WDR89: variants seen among roughly 807,000 people sequenced by gnomAD.
WDR89 encodes the protein WD repeat-containing protein 89.
WDR89 carries 17 observed loss-of-function variants against 29.1 expected under a neutral mutation model. The observed-to-expected ratio is 0.58, with a 90% CI of 0.40 to 0.88. The LOEUF is 0.88. Ranked by LOEUF, WDR89 falls within the 40% of genes least tolerant of loss-of-function variation. WDR89 has a pLI of 0.00. For synonymous variants in WDR89, 138 were observed against 157.8 expected (o/e 0.87, Z 0.94); for missense variants, 396 against 456.3 (o/e 0.87, Z 1.20).
At chr14:63,608,717 A>C (rs1242471963) in intron 2 of WDR89, among the ~76,000 whole-genome samples, 1 of 151,774 alleles carries the variant, frequency 6.6e-6, no homozygotes, top group Non-Finnish European at 1.5e-5. Context: ...TAAGAAGCAA[A>C]ACCCCTAGTG....
At chr14:63,601,621 G>A in intron 2 of WDR89, 2 of 1,613,292 alleles carry the variant, frequency 1.2e-6, no homozygotes, top group South Asian at 2.2e-5. Flanking sequence ...AAATCTCAAG[G>A]AAAAGTATTG....
At chr14:63,624,306 A>G (rs1203533817) in intron 2 of WDR89, among the ~76,000 whole-genome samples, 1 of 151,946 alleles carries the variant, frequency 6.6e-6, no homozygotes, top group Non-Finnish European at 1.5e-5. Context: ...ATCTCCATCA[A>G]AAATACAAAA....
At chr14:63,601,634 A>T in intron 2 of WDR89, 3 of 1,613,422 alleles carry the variant, frequency 1.9e-6, no homozygotes, top group Non-Finnish European at 2.5e-6. Context: ...AAGTATTGCA[A>T]GCAACAGTAG....
intron 1 of WDR89, among the ~76,000 whole-genome samples, chr14:63,634,537 G>A (rs1326288044): frequency 1.3e-4 from 19 of 148,970 alleles, no homozygotes; most frequent in Admixed American, 4.0e-4. Context: ...AAAAAAAAGA[G>A]AAGTGAAGGG....
chr14:63,616,677 T>C (rs1882326198), intron 2 of WDR89, among the ~76,000 whole-genome samples: 1 of 151,992 alleles, frequency 6.6e-6, no homozygotes. Flanking sequence ...GTGTAGAAAA[T>C]GAGGCTAAAG....
chr14:63,615,032 A>G (rs1206801065), intron 2 of WDR89, among the ~76,000 whole-genome samples: 1 of 152,226 alleles, frequency 6.6e-6, no homozygotes, highest in Non-Finnish European at 1.5e-5. Context: ...GGAATCTGTT[A>G]CTAAGGAAAA....
In WDR89 at chr14:63,599,324, C is replaced by T; in HGVS notation, c.619G>A (p.Asp207Asn). ...GAGTTACAGGTTGTAACCAGTGCATCCTCCTCATTATCAATATTAATATCA... is the reference window on the plus strand; with the variant it reads ...GAGTTACAGGTTGTAACCAGTGCATTCTCCTCATTATCAATATTAATATCA... ...VFDINIDNEE[D>N]ALVTTCNSIS... is the part of the protein sequence containing the mutation. The change falls in exon 3 of 3, where the codon GAT becomes AAT. Residue 207 changes from aspartate to asparagine, a missense_variant. Asp to Asn is a conservative substitution (Grantham distance 23, BLOSUM62 1). Transcript: ENST00000620954. The T allele has an allele frequency of 1.2e-6, 2 of 1,614,096 alleles. No individual in the cohort carries two copies. Among genetic ancestry groups the T allele is most frequent in the East Asian group, 2.2e-5 (1 of 44,886 alleles).
chr14:63,608,970 G>A lies in WDR89; in HGVS notation c.-31-8997C>T, dbSNP rs578099090. Among the ~76,000 whole-genome samples, 110 of 152,214 alleles carry A rather than the reference G, an allele frequency of 7.2e-4. 4 individuals are homozygous for A. In the South Asian group the frequency reaches 0.022, roughly 30 times the overall value. On this transcript the variant is annotated intron_variant, in intron 2 of 2. Transcript: ENST00000620954. Reference sequence around the variant, plus strand: ...CAAAAAATTGGCTGGGTGTGGTGGTGCACTTGTAGTCCCAGCTACTCAGGA... The same window carrying A: ...CAAAAAATTGGCTGGGTGTGGTGGTACACTTGTAGTCCCAGCTACTCAGGA...
At chr14:63,629,822 AGT>A (rs771098165) in intron 1 of WDR89, among the ~76,000 whole-genome samples, 10 of 152,190 alleles carry the variant, frequency 6.6e-5, no homozygotes, top group Non-Finnish European at 1.3e-4. Flanking sequence ...TAGAACATTC[AGT>A]GTGTTACAGG....
intron 2 of WDR89, among the ~76,000 whole-genome samples, chr14:63,612,330 T>G (rs1882038207): frequency 7.7e-6 from 1 of 129,382 alleles, no homozygotes; most frequent in African/African-American, 3.1e-5. Flanking sequence ...AAATTTCAAG[T>G]TTTTTTTTTT....
At chr14:63,608,666 G>GCACACACA (rs57605983) in intron 2 of WDR89, among the ~76,000 whole-genome samples, 9,511 of 144,664 alleles carry the variant, frequency 0.066, 353 homozygotes, top group South Asian at 0.11. Context: ...TGTGGTGCAT[G>GCACACACA]CACACACACA....
chr14:63,602,741 C>T (rs1895134345), intron 2 of WDR89, among the ~76,000 whole-genome samples: 1 of 148,488 alleles, frequency 6.7e-6, no homozygotes, highest in African/African-American at 2.5e-5. Context: ...CGTTGCACTC[C>T]ATCCTGGGCA....
At chr14:63,602,222 C>A (rs1418222710) in intron 2 of WDR89, among the ~76,000 whole-genome samples, 1 of 152,130 alleles carries the variant, frequency 6.6e-6, no homozygotes, top group Non-Finnish European at 1.5e-5. Flanking sequence ...TGCCTGTAAT[C>A]CCAACACTTC....
chr14:63,638,044 C>A (rs546745849), intron 1 of WDR89, among the ~76,000 whole-genome samples: 1 of 152,098 alleles, frequency 6.6e-6, no homozygotes, highest in Non-Finnish European at 1.5e-5. Context: ...CTCCCAGGTT[C>A]AAGTGATCCT....
chr14:63,631,804 C>G (rs114968844), intron 1 of WDR89, among the ~76,000 whole-genome samples: 1 of 152,208 alleles, frequency 6.6e-6, no homozygotes, highest in Admixed American at 6.5e-5. Context: ...GATGACCAAG[C>G]GGAGTTGAGT....
chr14:63,616,993 C>CA (rs560043617), intron 2 of WDR89, among the ~76,000 whole-genome samples: 194 of 116,188 alleles, frequency 1.7e-3, no homozygotes, highest in Non-Finnish European at 2.3e-3. Context: ...ATTCTTGTCT[C>CA]AAAAAAAAAA....
intron 1 of WDR89, among the ~76,000 whole-genome samples, chr14:63,631,431 C>T (rs1346293002): frequency 6.6e-6 from 1 of 152,032 alleles, no homozygotes; most frequent in East Asian, 1.9e-4. Context: ...AGTGGTGCAA[C>T]TGCCACTCAC....
intron 2 of WDR89, chr14:63,618,061 T>C (rs768393108): frequency 7.2e-5 from 11 of 152,188 alleles, no homozygotes; most frequent in Non-Finnish European, 1.5e-4. Context: ...TTCTGCAGCA[T>C]ATATACTAAA....
chr14:63,635,238 T>C (rs1224900039), intron 1 of WDR89, among the ~76,000 whole-genome samples: 1 of 152,164 alleles, frequency 6.6e-6, no homozygotes, highest in Admixed American at 6.5e-5. Flanking sequence ...AACAAAATAC[T>C]AGCTAACTGA....
Sources: allele counts gnomAD v4.1 joint callset (sites outside exome capture counted in the v4.1 genomes callset), GRCh38; gene constraint gnomAD v4.1.1; transcripts MANE v1.5; gene names NCBI Gene and HGNC (gene_info 2026-07-23, HGNC 2026-07-21).